EP300: variants seen among roughly 807,000 people sequenced by gnomAD.
EP300 encodes EP300 lysine acetyltransferase.
In EP300, 31 loss-of-function variants were observed where a neutral mutation model predicts 264.0. That is an observed-to-expected ratio of 0.12 (90% CI 0.09 to 0.16). EP300 has a LOEUF of 0.16. EP300 is among the 10% of genes least tolerant of loss of function. EP300 has a pLI of 1.00. For synonymous variants in EP300, 1,340 were observed against 1,045.4 expected, an observed-to-expected ratio of 1.28 and a Z score of -5.44; for missense variants, 2,766 against 3,052.9, an observed-to-expected ratio of 0.91 and a Z score of 2.21.
At chr22:41,172,123 A>T (rs868026497) in intron 27 of EP300, among the ~76,000 whole-genome samples, 2 of 152,174 alleles carry the variant, frequency 1.3e-5, no homozygotes, top group Non-Finnish European at 2.9e-5. Context: ...TGAAATTCCA[A>T]GGATGGGTGT....
Position 41,146,720 on chromosome 22 carries a change from T to C in EP300, c.2054-19T>C, listed in dbSNP as rs769216865. ...AGGGAAGATGGTGCAAAGATACTTA[T>C]TTCTCTTTTTTACTCTAGATGGCCC... On this transcript the variant is annotated intron_variant, in intron 10 of 30. Transcript: ENST00000263253. 34 of 1,611,580 alleles carry C rather than the reference T, an allele frequency of 2.1e-5. No individual in the cohort carries two copies. In the East Asian group the frequency reaches 4.7e-4, roughly 22 times the overall value.
chr22:41,140,050 T>G, intron 8 of EP300, 90 bp from the exon 9 acceptor site: 1 of 903,588 alleles, frequency 1.1e-6, no homozygotes, highest in Non-Finnish European at 1.9e-6. Context: ...TTATTTTTTC[T>G]TTTCCTCTAT....
At chr22:41,104,886 C>T (rs969836317) in intron 1 of EP300, among the ~76,000 whole-genome samples, 4 of 150,662 alleles carry the variant, frequency 2.7e-5, no homozygotes, top group Non-Finnish European at 5.9e-5. Flanking sequence ...TGGGCATGGC[C>T]GGGCACGGTG....
At chr22:41,099,911 G>A (rs1208365383) in intron 1 of EP300, among the ~76,000 whole-genome samples, 1 of 152,150 alleles carries the variant, frequency 6.6e-6, no homozygotes. Flanking sequence ...ATTTCATCAG[G>A]CTACTCAGAA....
At chr22:41,110,688 G>C (rs2058785029) in intron 1 of EP300, among the ~76,000 whole-genome samples, 1 of 152,050 alleles carries the variant, frequency 6.6e-6, no homozygotes, top group African/African-American at 2.4e-5. Flanking sequence ...ACAGGCGTGA[G>C]CCACCCTTCT....
rs1203515231 is a variant in EP300 at position 41,120,585 on chromosome 22, A to AGGT, written c.729+2769_729+2771dup. On this transcript the variant is annotated intron_variant, in intron 2 of 30. Coordinates refer to ENST00000263253, the MANE Select transcript of EP300 (RefSeq NM_001429.4). The stretch of plus-strand genomic sequence containing the variant: ...AATCTGTGGTTCAGGAGGTGCAGGC[A>AGGT]GGTGGTGACATTACTACTACAGCTG... Among the ~76,000 whole-genome samples the AGGT allele has an allele frequency of 4.6e-5, 7 of 152,220 alleles. No individual in the cohort carries two copies. In the East Asian group the frequency reaches 1.3e-3, roughly 29 times the overall value.
chr22:41,147,788 T>C (rs755419383), intron 11 of EP300, 49 bp from the exon 12 acceptor site: 1 of 1,220,556 alleles, frequency 8.2e-7, no homozygotes, highest in African/African-American at 1.5e-5. Flanking sequence ...TCTTTTATTA[T>C]TCAATTTCAC....
At chr22:41,116,714 T>TA (rs561967884) in intron 1 of EP300, among the ~76,000 whole-genome samples, 41 of 152,266 alleles carry the variant, frequency 2.7e-4, no homozygotes, top group African/African-American at 4.3e-4. Flanking sequence ...CCCCTCAATT[T>TA]AAAAAATCTA....
chr22:41,103,585 A>G (rs1223875467), intron 1 of EP300, among the ~76,000 whole-genome samples: 1 of 152,260 alleles, frequency 6.6e-6, no homozygotes, highest in Non-Finnish European at 1.5e-5. Flanking sequence ...GGAAATTAAC[A>G]TACCTTAGAA....
intron 1 of EP300, among the ~76,000 whole-genome samples, chr22:41,098,537 A>G (rs2058714415): frequency 1.3e-5 from 2 of 151,988 alleles, no homozygotes; most frequent in South Asian, 4.1e-4. Context: ...ACACCCGGCT[A>G]ATTTTTTGTA....
intron 1 of EP300, among the ~76,000 whole-genome samples, chr22:41,110,615 T>A (rs945424020): frequency 6.6e-6 from 1 of 152,036 alleles, no homozygotes; most frequent in African/African-American, 2.4e-5. Flanking sequence ...AGCTAATTTT[T>A]AAAAATAATA....
rs1309658711 is a variant in EP300 at position 41,150,015 on chromosome 22, A to G, written c.2634A>G (p.Leu878=). ...CACCTGGGCCACAGTCCCAGGCTCT[A>G]CATCCCCCTCCAAGGCAGACACCTA... ...AMPPGPQSQA[L]HPPPRQTPTP... is the part of the protein sequence containing the mutation. Residue 878 remains leucine (L), a synonymous_variant, in exon 14 of 31, where the codon CTA becomes CTG. Coordinates refer to ENST00000263253, the MANE Select transcript of EP300 (RefSeq NM_001429.4). The G allele has an allele frequency of 2.5e-6, 4 of 1,613,758 alleles. No individual in the cohort carries two copies. Among genetic ancestry groups the G allele is most frequent in the South Asian group, 1.1e-5 (1 of 91,074 alleles).
Position 41,092,655 on chromosome 22 carries a change from C to T in EP300, c.-350C>T, listed in dbSNP as rs1202225304. On this transcript the variant is annotated 5_prime_UTR_variant, in exon 1 of 31. Transcript: ENST00000263253. ...TGGCGGCGGCGGAGCTCCGAGAGAC[C>T]TCGGCTGGGCAGGGGCCGGCCGTGG... The T allele has an allele frequency of 1.9e-5, 12 of 629,590 alleles. No homozygotes were observed. Among genetic ancestry groups the T allele is most frequent in the Middle Eastern group, 3.3e-4 (1 of 3,020 alleles). 39.0% of individuals were successfully genotyped at this position (629,590 alleles called of 1,614,324 possible). A position where few individuals can be genotyped will look rare whatever the true frequency, so the allele number is the denominator to read the frequency against.
chr22:41,097,816 C>T (rs1391147630), intron 1 of EP300, among the ~76,000 whole-genome samples: 1 of 151,656 alleles, frequency 6.6e-6, no homozygotes, highest in East Asian at 1.9e-4. Flanking sequence ...GGCAGAGTCT[C>T]GCTTTGTAGC....
chr22:41,134,739 C>T (rs2058940257), intron 6 of EP300, among the ~76,000 whole-genome samples: 1 of 152,132 alleles, frequency 6.6e-6, no homozygotes, highest in Admixed American at 6.5e-5. Context: ...TTAAGCAGGA[C>T]TAGGAAAAGG....
chr22:41,114,174 TG>T (rs1381075340), intron 1 of EP300, among the ~76,000 whole-genome samples: 85 of 149,028 alleles, frequency 5.7e-4, no homozygotes, highest in Non-Finnish European at 8.1e-4. Flanking sequence ...TTTGGGTATT[TG>T]TTGTTGTTGT....
rs2058680903 is a variant in EP300 at position 41,092,890 on chromosome 22, G to T, written c.-115G>T. 1 of 1,109,184 alleles carries T rather than the reference G, an allele frequency of 9.0e-7. No individual in the cohort carries two copies. The highest frequency in any genetic ancestry group is 1.5e-5 in the African/African-American group (1 of 65,142). 68.7% of individuals were successfully genotyped at this position (1,109,184 alleles called of 1,614,324 possible). Reference sequence around the variant, plus strand: ...AAAAGGAACTTCCCCCACCCCCTCGGGTGCCGTCGGAGCCCCCCAGCCCAC... The same window carrying T: ...AAAAGGAACTTCCCCCACCCCCTCGTGTGCCGTCGGAGCCCCCCAGCCCAC... On this transcript the variant is annotated 5_prime_UTR_variant, in exon 1 of 31. Coordinates refer to ENST00000263253, the MANE Select transcript of EP300 (RefSeq NM_001429.4).
At chr22:41,131,254 G>A in intron 5 of EP300, 134 bp from the exon 6 acceptor site, 1 of 1,027,994 alleles carries the variant, frequency 9.7e-7, no homozygotes, top group Non-Finnish European at 1.5e-6. Context: ...AGGAAATAAT[G>A]GAAGACAAGA....
intron 27 of EP300, 71 bp from the exon 28 acceptor site, chr22:41,172,428 A>C (rs1041060621): frequency 2.2e-6 from 3 of 1,343,044 alleles, no homozygotes; most frequent in African/African-American, 2.9e-5. Context: ...CTTGTCAGCC[A>C]TGATTATTCT....
Sources: gnomAD v4.1 joint callset for allele counts (sites outside exome capture counted in the v4.1 genomes callset) on GRCh38, gnomAD v4.1.1 for gene constraint, MANE v1.5 for transcripts, NCBI Gene and HGNC (gene_info 2026-07-23, HGNC 2026-07-21) for gene names.